Variants in ZC3H3 observed in about 807,000 individuals in gnomAD.
ZC3H3 encodes zinc finger CCCH domain-containing protein 3.
A neutral mutation model predicts 77.3 loss-of-function variants in ZC3H3; 36 were observed. That is an observed-to-expected ratio of 0.47 (90% CI 0.36 to 0.61). The LOEUF is 0.61. ZC3H3 is among the 20% of genes least tolerant of loss of function. ZC3H3 has a pLI of 0.00. For synonymous variants in ZC3H3, 626 were observed against 555.2 expected (o/e 1.13, Z -1.79); for missense variants, 1,331 against 1,312.2 (o/e 1.01, Z -0.22).
chr8:143,448,777 G>A (rs1432958711), intron 9 of ZC3H3, among the ~76,000 whole-genome samples: 1 of 152,212 alleles, frequency 6.6e-6, no homozygotes, highest in Non-Finnish European at 1.5e-5. Flanking sequence ...CTGCGTGGGG[G>A]CTCCAATGCC....
rs59747865 is a variant in ZC3H3 at position 143,461,456 on chromosome 8, T to C, written c.2307+4261A>G. Among the ~76,000 whole-genome samples the C allele has an allele frequency of 9.8e-3, 1,488 of 151,972 alleles. 27 individuals carry two copies. Among genetic ancestry groups the C allele is most frequent in the African/African-American group, 0.034 (1,396 of 41,424 alleles). Reference sequence around the variant, plus strand: ...AAAACAGGAGGCTGTTAACCTAGAGTGACCCTGTAGCCCTGCAGTGACCCT... The same window carrying C: ...AAAACAGGAGGCTGTTAACCTAGAGCGACCCTGTAGCCCTGCAGTGACCCT... On this transcript the variant is annotated intron_variant, in intron 9 of 11. Transcript: ENST00000262577.
At chr8:143,454,262 T>G (rs1276055221) in intron 9 of ZC3H3, among the ~76,000 whole-genome samples, 1 of 151,298 alleles carries the variant, frequency 6.6e-6, no homozygotes, top group African/African-American at 2.4e-5. Context: ...TTTTTTTTTT[T>G]GTAACTTTAG....
At chr8:143,476,986 C>T (rs1469965536) in intron 4 of ZC3H3, among the ~76,000 whole-genome samples, 1 of 152,194 alleles carries the variant, frequency 6.6e-6, no homozygotes, top group Non-Finnish European at 1.5e-5. Flanking sequence ...GGGGCAGGTA[C>T]AGGGGGACAG....
intron 3 of ZC3H3, among the ~76,000 whole-genome samples, chr8:143,516,688 G>C (rs1822062466): frequency 6.6e-6 from 1 of 152,134 alleles, no homozygotes; most frequent in African/African-American, 2.4e-5. Context: ...TGCCAGGACT[G>C]CCTGGGAGGC....
Position 143,460,193 on chromosome 8 carries a change from A to G in ZC3H3, c.2307+5524T>C, listed in dbSNP as rs1399428606. Among the ~76,000 whole-genome samples, 1 of 152,024 alleles carries G rather than the reference A, an allele frequency of 6.6e-6. No individual in the cohort carries two copies. The highest frequency in any genetic ancestry group is 1.5e-5 in the Non-Finnish European group (1 of 68,014). Reference sequence around the variant, plus strand: ...AACCCGGGAGGCGGAAGTTGCAGTGAGCCGAGATCATGCCATTGCACTCCA... The same window carrying G: ...AACCCGGGAGGCGGAAGTTGCAGTGGGCCGAGATCATGCCATTGCACTCCA... On this transcript the variant is annotated intron_variant, in intron 9 of 11. Coordinates refer to ENST00000262577, the MANE Select transcript of ZC3H3 (RefSeq NM_015117.3). The surrounding 1 kb of genome is among the most constrained non-coding windows in gnomAD (Gnocchi z 4.0).
intron 9 of ZC3H3, among the ~76,000 whole-genome samples, chr8:143,456,229 G>A (rs1172729214): frequency 5.9e-5 from 9 of 151,830 alleles, no homozygotes; most frequent in African/African-American, 1.9e-4. Context: ...GGAAGGCAGG[G>A]GGAAGAAAAC....
chr8:143,506,412 C>T (rs1039598032), intron 4 of ZC3H3, among the ~76,000 whole-genome samples: 15 of 152,076 alleles, frequency 9.9e-5, no homozygotes, highest in East Asian at 1.9e-4. Context: ...GATCATGACT[C>T]CCGATCACAG....
chr8:143,437,982 A>G lies in ZC3H3; in HGVS notation c.*74T>C, dbSNP rs1377140331. Reference sequence around the variant, plus strand: ...GTGGCGGGCGGCCCTCCTGTGGGGTAGAGTGGTGGACAGAGCCTCTTTCCT... The same window carrying G: ...GTGGCGGGCGGCCCTCCTGTGGGGTGGAGTGGTGGACAGAGCCTCTTTCCT... On this transcript the variant is annotated 3_prime_UTR_variant, in exon 12 of 12. Coordinates refer to ENST00000262577, the MANE Select transcript of ZC3H3 (RefSeq NM_015117.3). The G allele has an allele frequency of 6.4e-7, 1 of 1,560,182 alleles. No individual in the cohort carries two copies.
chr8:143,464,875 C>CA, intron 9 of ZC3H3, among the ~76,000 whole-genome samples: 3 of 152,236 alleles, frequency 2.0e-5, no homozygotes, highest in Middle Eastern at 6.8e-3. Flanking sequence ...AGCCTTAGGC[C>CA]AGGTGCAGGA....
chr8:143,485,396 G>A (rs924223461), intron 4 of ZC3H3, among the ~76,000 whole-genome samples: 3 of 152,222 alleles, frequency 2.0e-5, no homozygotes, highest in Admixed American at 6.5e-5. Context: ...AGTGAGGATG[G>A]AGAGTCTGGG....
intron 1 of ZC3H3, among the ~76,000 whole-genome samples, chr8:143,540,271 T>C (rs774655011): frequency 7.9e-5 from 12 of 152,256 alleles, no homozygotes; most frequent in Non-Finnish European, 1.6e-4. Context: ...TTTTTCTCTG[T>C]TGCCCAGGCT....
chr8:143,464,455 T>A (rs533722038), intron 9 of ZC3H3, among the ~76,000 whole-genome samples: 1 of 152,202 alleles, frequency 6.6e-6, no homozygotes, highest in African/African-American at 2.4e-5. Context: ...GGCTGCAGGC[T>A]GACTCCTCCT....
intron 3 of ZC3H3, among the ~76,000 whole-genome samples, chr8:143,508,952 G>A (rs567729805): frequency 1.4e-4 from 21 of 152,242 alleles, no homozygotes; most frequent in African/African-American, 5.1e-4. Flanking sequence ...AGCCCTAAAC[G>A]CAACGGACCT....
rs1262244417 is a variant in ZC3H3, at chr8:143,468,507, C to G, written c.1980G>C (p.Arg660=). The G allele has an allele frequency of 4.4e-6, 7 of 1,609,128 alleles. No individual in the cohort carries two copies. Among genetic ancestry groups the G allele is most frequent in the Non-Finnish European group, 5.9e-6 (7 of 1,178,380 alleles). ...RAVQRSLAII[R]QARQRREKRK... ...TCTTCTCCCTGCGCTGCCGCGCCTG[C>G]CGGATGATGGCCAGGCTGCGCTGCA... The change falls in exon 7 of 12, where the codon CGG becomes CGC. Residue 660 remains arginine, a synonymous_variant. Coordinates refer to ENST00000262577, the MANE Select transcript of ZC3H3 (RefSeq NM_015117.3).
In ZC3H3 at chr8:143,471,954, G is replaced by A. The variant is rs142244887; in HGVS notation, c.1904-3295C>T. 2.6e-4 allele frequency among the ~76,000 whole-genome samples: 39 copies of A among 152,332 alleles called. No individual in the cohort carries two copies. The East Asian group carries it at 3.1e-3, about 12-fold the overall frequency. ...CCCAGGCAGCTGGAGCTGTGGCCTC[G>A]CCTGTCGACCCAAAGGGCGAGTGCG... On this transcript the variant is annotated intron_variant, in intron 5 of 11. Transcript: ENST00000262577.
chr8:143,438,464 G>A (rs558776322), intron 11 of ZC3H3, among the ~76,000 whole-genome samples: 5 of 152,310 alleles, frequency 3.3e-5, no homozygotes, highest in South Asian at 2.1e-4. Context: ...TGCCCTGCAC[G>A]TTCAGTGAGG....
chr8:143,473,987 C>G (rs1169641597), intron 5 of ZC3H3, among the ~76,000 whole-genome samples: 1 of 152,180 alleles, frequency 6.6e-6, no homozygotes, highest in East Asian at 1.9e-4. Context: ...GTCCGAGGAT[C>G]AGAGGTAACC....
chr8:143,531,511 G>A (rs1252815147), intron 3 of ZC3H3, among the ~76,000 whole-genome samples: 5 of 152,186 alleles, frequency 3.3e-5, no homozygotes, highest in African/African-American at 4.8e-5. Flanking sequence ...AGGCGTGAGC[G>A]GCCACAGTGC....
intron 3 of ZC3H3, among the ~76,000 whole-genome samples, chr8:143,516,113 C>T (rs1258604330): frequency 6.6e-6 from 1 of 152,226 alleles, no homozygotes; most frequent in East Asian, 1.9e-4. Context: ...CAATGGCAAC[C>T]GAGGCAGGGG....
Sources: gnomAD v4.1 joint callset for allele counts (sites outside exome capture counted in the v4.1 genomes callset) on GRCh38, gnomAD v4.1.1 for gene constraint, Gnocchi (gnomAD v3.1) non-coding constraint, MANE v1.5 for transcripts, NCBI Gene and HGNC (gene_info 2026-07-23, HGNC 2026-07-21) for gene names.